The following DCPS variants were observed in gnomAD, a reference collection of about 807,000 sequenced individuals.
The protein encoded by DCPS is m7GpppX diphosphatase.
Under a neutral mutation model 34.7 loss-of-function variants are expected in DCPS, and 27 were observed. That is an observed-to-expected ratio of 0.78 (90% CI 0.57 to 1.07). The LOEUF (loss-of-function observed/expected upper bound fraction) is 1.07, where lower values mean the gene tolerates loss of function less well. DCPS is among the 50% of genes least tolerant of loss of function. DCPS has a pLI of 0.00. For synonymous variants in DCPS, 185 were observed against 185.7 expected, an observed-to-expected ratio of 1.00 and a Z score of 0.03; for missense variants, 464 against 436.9, an observed-to-expected ratio of 1.06 and a Z score of -0.55.
chr11:126,340,516 G>A (rs1164229676), intron 4 of DCPS, among the ~76,000 whole-genome samples: 1 of 152,162 alleles, frequency 6.6e-6, no homozygotes, highest in Non-Finnish European at 1.5e-5. Flanking sequence ...TGATGATGCT[G>A]TATTTTAGCG....
intron 2 of DCPS, among the ~76,000 whole-genome samples, chr11:126,324,029 A>G (rs1387150642): frequency 6.6e-6 from 1 of 151,244 alleles, no homozygotes; most frequent in Non-Finnish European, 1.5e-5. Context: ...ATGGGGTTTC[A>G]CCATATTGGC....
At chr11:126,326,612 A>T (rs553317449) in intron 2 of DCPS, among the ~76,000 whole-genome samples, 1 of 152,316 alleles carries the variant, frequency 6.6e-6, no homozygotes, top group South Asian at 2.1e-4. Flanking sequence ...TAAGAATAGT[A>T]CAAAGAACTC....
At chr11:126,305,559 T>A (rs2135306494) in intron 1 of DCPS, among the ~76,000 whole-genome samples, 1 of 151,222 alleles carries the variant, frequency 6.6e-6, no homozygotes, top group Non-Finnish European at 1.5e-5. Flanking sequence ...TAGCTGGGAT[T>A]ACAGGCATCT....
At position 126,347,743 on chromosome 11, in the gene DCPS, T is replaced by C. The variant is rs1331842468; in HGVS notation, c.*2130T>C. On this transcript the variant is annotated 3_prime_UTR_variant, in exon 6 of 6. Coordinates refer to ENST00000263579, the MANE Select transcript of DCPS (RefSeq NM_014026.6). The surrounding 1 kb of genome is among the most constrained non-coding windows in gnomAD (Gnocchi z 4.2). ...CTTGGCAGGAGGTTGGATGGAGGTCTTCTCCCAGAGCAGTGTCCAGCTTGC... is the reference window on the plus strand; with the variant it reads ...CTTGGCAGGAGGTTGGATGGAGGTCCTCTCCCAGAGCAGTGTCCAGCTTGC... Among the ~76,000 whole-genome samples the C allele has an allele frequency of 6.6e-6, 1 of 152,222 alleles. No homozygotes were observed. Among genetic ancestry groups the C allele is most frequent in the Non-Finnish European group, 1.5e-5 (1 of 68,044 alleles).
In DCPS at chr11:126,337,614, T is replaced by G. The variant is rs1422380430; in HGVS notation, c.523-672T>G. 6.5e-6 allele frequency: 1 copy of G among 152,738 alleles called. No individual in the cohort carries two copies. The highest frequency in any genetic ancestry group is 1.5e-5 in the Non-Finnish European group (1 of 68,460). The allele number at this position is 152,738 out of a possible 1,614,324, so 9.5% of individuals were successfully genotyped here. A position where few individuals can be genotyped will look rare whatever the true frequency, so the allele number is the denominator to read the frequency against. ...GAAAGGTCTTGGTGAGGTCACTGTC[T>G]CTGTGTCTCTACATAGCTTTCGTTT... On this transcript the variant is annotated intron_variant, in intron 3 of 5. Transcript: ENST00000263579. This position sits in a 1 kb window ranked among gnomAD's most constrained non-coding sequence, Gnocchi z 5.3.
Position 126,304,187 on chromosome 11 carries a change from C to G in DCPS, c.107C>G (p.Thr36Ser). Residue 36 changes from threonine to serine, a missense_variant, in exon 1 of 6, where the codon ACC (threonine) becomes AGC (serine). Physicochemically the swap from Thr to Ser is moderately conservative, Grantham distance 58 (BLOSUM62 1). Coordinates refer to ENST00000263579, the MANE Select transcript of DCPS (RefSeq NM_014026.6). ...AAGGAGGCAGGAGTTGGAAATGGTA[C>G]CTGTGCTCCTGTCCGCTTACCGTTC... The part of the protein sequence containing the change: ...EEKEAGVGNG[T>S]CAPVRLPFSG... 6.2e-7 allele frequency: 1 copy of G among 1,614,262 alleles called. No homozygotes were observed. Among genetic ancestry groups the G allele is most frequent in the Non-Finnish European group, 8.5e-7 (1 of 1,180,050 alleles).
At chr11:126,341,270 A>C (rs1194820070) in intron 4 of DCPS, 1 of 152,210 alleles carries the variant, frequency 6.6e-6, no homozygotes, top group African/African-American at 2.4e-5. Context: ...TTGACTTGTA[A>C]AAAGAGACTG....
chr11:126,316,957 CT>C (rs71048779), intron 2 of DCPS, among the ~76,000 whole-genome samples: 24,383 of 92,960 alleles, frequency 0.26, 2,482 homozygotes, highest in Non-Finnish European at 0.34. Flanking sequence ...TGCCCGGCCT[CT>C]TTTTTTTTTT....
rs1253346611 is a variant in DCPS, at chr11:126,349,080, G to A, written c.*3467G>A. 3.9e-5 allele frequency among the ~76,000 whole-genome samples: 6 copies of A among 152,204 alleles called. No homozygotes were observed. The highest frequency in any genetic ancestry group is 7.3e-5 in the Non-Finnish European group (5 of 68,044). ...CTGAATGAGGCCTCCTGGATCTCAC[G>A]CAGGGGATGGAGAGTAAGGACCAGC... On this transcript the variant is annotated 3_prime_UTR_variant, in exon 6 of 6. Coordinates refer to ENST00000263579, the MANE Select transcript of DCPS (RefSeq NM_014026.6). The surrounding 1 kb of genome is among the most constrained non-coding windows in gnomAD (Gnocchi z 5.4).
Position 126,315,340 on chromosome 11 carries a change from A to G in DCPS, c.376+8596A>G, listed in dbSNP as rs575569564. On this transcript the variant is annotated intron_variant, in intron 2 of 5. Coordinates refer to ENST00000263579, the MANE Select transcript of DCPS (RefSeq NM_014026.6). The surrounding 1 kb of genome is among the most constrained non-coding windows in gnomAD (Gnocchi z 6.1). ...TTTGGGAGGCCGAGGCAGGTGGATC[A>G]TTTGAGGTCAGGAGTTCGAGACCAG... Among the ~76,000 whole-genome samples, 2 of 152,202 alleles carry G rather than the reference A, an allele frequency of 1.3e-5. No homozygotes were observed. The highest frequency in any genetic ancestry group is 6.8e-3 in the Middle Eastern group (2 of 294).
intron 1 of DCPS, among the ~76,000 whole-genome samples, chr11:126,305,304 G>A (rs1591379257): frequency 6.6e-6 from 1 of 150,876 alleles, no homozygotes; most frequent in African/African-American, 2.4e-5. Context: ...AGTAGAGATG[G>A]GGGTTTCACC....
In DCPS at chr11:126,333,124, T is replaced by C. The variant is rs1009970430; in HGVS notation, c.522+1574T>C. ...TCCCAAAGTGCTAGGATTACAGGTGTGAGCCACTGTGCCTGGCCATGTATA... is the reference window on the plus strand; with the variant it reads ...TCCCAAAGTGCTAGGATTACAGGTGCGAGCCACTGTGCCTGGCCATGTATA... On this transcript the variant is annotated intron_variant, in intron 3 of 5. Coordinates refer to ENST00000263579, the MANE Select transcript of DCPS (RefSeq NM_014026.6). This position sits in a 1 kb window ranked among gnomAD's most constrained non-coding sequence, Gnocchi z 5.7. 2.6e-5 allele frequency among the ~76,000 whole-genome samples: 4 copies of C among 152,220 alleles called. No homozygotes were observed. The highest frequency in any genetic ancestry group is 9.6e-5 in the African/African-American group (4 of 41,464).
intron 2 of DCPS, among the ~76,000 whole-genome samples, chr11:126,309,637 G>A (rs1430121209): frequency 1.3e-5 from 2 of 152,172 alleles, no homozygotes; most frequent in East Asian, 1.9e-4. Flanking sequence ...AGGGCCGACT[G>A]TACATGCGGT....
At chr11:126,309,372 G>A (rs906210247) in intron 2 of DCPS, among the ~76,000 whole-genome samples, 6 of 152,088 alleles carry the variant, frequency 3.9e-5, no homozygotes, top group African/African-American at 1.4e-4. Flanking sequence ...TTGGTTCCAG[G>A]ACTCTCCTTG....
Position 126,325,237 on chromosome 11 carries a change from A to G in DCPS, c.377-6168A>G, listed in dbSNP as rs1302105382. On this transcript the variant is annotated intron_variant, in intron 2 of 5. Transcript: ENST00000263579. The surrounding 1 kb of genome is among the most constrained non-coding windows in gnomAD (Gnocchi z 4.3). Reference sequence around the variant, plus strand: ...AAAAATGTAATGACTTATTCCATACACCAAAAATTATGCTGAAGAGAAGAA... The same window carrying G: ...AAAAATGTAATGACTTATTCCATACGCCAAAAATTATGCTGAAGAGAAGAA... Among the ~76,000 whole-genome samples the G allele has an allele frequency of 6.6e-6, 1 of 152,206 alleles. No homozygotes were observed.
chr11:126,345,276 C>T lies in DCPS; in HGVS notation c.748-71C>T. 1 of 1,584,404 alleles carries T rather than the reference C, an allele frequency of 6.3e-7. No individual in the cohort carries two copies. The highest frequency in any genetic ancestry group is 2.2e-5 in the East Asian group (1 of 44,696). On this transcript the variant is annotated intron_variant, in intron 5 of 5. Coordinates refer to ENST00000263579, the MANE Select transcript of DCPS (RefSeq NM_014026.6). This position sits in a 1 kb window ranked among gnomAD's most constrained non-coding sequence, Gnocchi z 7.4. ...TCCAGGATTCAGATGGGAGGAGGGTCTAGGTGGGGACATGGCGCCGGGCCT... is the reference window on the plus strand; with the variant it reads ...TCCAGGATTCAGATGGGAGGAGGGTTTAGGTGGGGACATGGCGCCGGGCCT...
Position 126,304,245 on chromosome 11 carries a change from G to T in DCPS, c.165G>T (p.Glu55Asp). The T allele has an allele frequency of 6.2e-7, 1 of 1,614,242 alleles. No individual in the cohort carries two copies. The highest frequency in any genetic ancestry group is 8.5e-7 in the Non-Finnish European group (1 of 1,180,048). Residue 55 changes from glutamate to aspartate, a missense_variant, in exon 1 of 6, where the codon GAG becomes GAT. Glu to Asp is a conservative substitution (Grantham distance 45). Transcript: ENST00000263579. Reference protein sequence around the residue: ...SGFRLQKVLRESARDKIIFLH... With the variant: ...SGFRLQKVLRDSARDKIIFLH... Reference sequence around the variant, plus strand: ...TCAGACTGCAGAAGGTGCTGAGGGAGTCTGCGCGGGACAAAATCATTTTCC... The same window carrying T: ...TCAGACTGCAGAAGGTGCTGAGGGATTCTGCGCGGGACAAAATCATTTTCC...
rs1420685029 is a variant in DCPS, at chr11:126,306,713, C to G, written c.345C>G (p.Thr115=). 6.2e-7 allele frequency: 1 copy of G among 1,605,272 alleles called. No homozygotes were observed. Among genetic ancestry groups the G allele is most frequent in the Non-Finnish European group, 8.5e-7 (1 of 1,172,670 alleles). The change falls in exon 2 of 6, where the codon ACC becomes ACG. Residue 115 remains threonine, a synonymous_variant. Transcript: ENST00000263579. The part of the protein sequence containing the change: ...QLQFSNDIYS[T]YHLFPPRQLN... ...AGTTCTCCAATGATATCTACAGCAC[C>G]TATCACTTGTTCCCTCCAAGACAAC...
Position 126,304,127 on chromosome 11 carries a change from A to G in DCPS, c.47A>G (p.Asp16Gly), listed in dbSNP as rs553765784. Reference protein sequence around the residue: ...PQLGKRKRELDVEEAHAASTE... With the variant: ...PQLGKRKRELGVEEAHAASTE... The stretch of plus-strand genomic sequence containing the variant: ...CTAGGCAAGAGGAAGCGCGAATTGG[A>G]CGTGGAGGAGGCCCACGCCGCCAGC... The change falls in exon 1 of 6, where the codon GAC becomes GGC. Residue 16 changes from aspartate (D) to glycine (G), a missense_variant. Transcript: ENST00000263579. 4 of 1,613,938 alleles carry G rather than the reference A, an allele frequency of 2.5e-6. No individual in the cohort carries two copies. The highest frequency in any genetic ancestry group is 1.7e-5 in the Admixed American group (1 of 59,988).
Sources: allele counts gnomAD v4.1 joint callset (sites outside exome capture counted in the v4.1 genomes callset), GRCh38; gene constraint gnomAD v4.1.1; non-coding constraint Gnocchi (gnomAD v3.1); transcripts MANE v1.5; gene names NCBI Gene and HGNC (gene_info 2026-07-23, HGNC 2026-07-21).